CPEB4: variants seen among roughly 807,000 people sequenced by gnomAD.
The protein encoded by CPEB4 is cytoplasmic polyadenylation element-binding protein 4.
Under a neutral mutation model 72.5 loss-of-function variants are expected in CPEB4, and 12 were observed. That is an observed-to-expected ratio of 0.17 (90% confidence interval 0.11 to 0.27). The LOEUF (loss-of-function observed/expected upper bound fraction) is 0.27. Ranked by LOEUF, CPEB4 falls within the 10% of genes least tolerant of loss-of-function variation. The probability of loss-of-function intolerance (pLI) is 1.00; values close to 1 mark genes in which losing one functional copy is unlikely to be tolerated. For missense variants in CPEB4, 614 were observed against 908.5 expected, an observed-to-expected ratio of 0.68 and a Z score of 4.17; for synonymous variants, 302 against 326.3, an observed-to-expected ratio of 0.93 and a Z score of 0.80.
At chr5:173,931,480 T>C (rs1183488685) in intron 2 of CPEB4, among the ~76,000 whole-genome samples, 2 of 152,220 alleles carry the variant, frequency 1.3e-5, no homozygotes, top group Admixed American at 1.3e-4. Flanking sequence ...AGTAGAGAAC[T>C]AACAACCAGG....
At chr5:173,924,411 T>C (rs1757173059) in intron 2 of CPEB4, among the ~76,000 whole-genome samples, 1 of 152,230 alleles carries the variant, frequency 6.6e-6, no homozygotes. Context: ...TAGCAAATTC[T>C]CATTTTTCTG....
intron 9 of CPEB4, among the ~76,000 whole-genome samples, chr5:173,954,498 G>A (rs924380994): frequency 3.9e-5 from 6 of 152,002 alleles, no homozygotes; most frequent in South Asian, 2.1e-4. Context: ...TTAGCCTCCC[G>A]AGTAGGTGGA....
At chr5:173,927,812 A>G (rs2113224905) in intron 2 of CPEB4, among the ~76,000 whole-genome samples, 1 of 152,310 alleles carries the variant, frequency 6.6e-6, no homozygotes, top group African/African-American at 2.4e-5. Flanking sequence ...AATCCTTGAG[A>G]AAACTTATGC....
chr5:173,893,036 T>TGTGTGAGAGA (rs55993382), intron 1 of CPEB4: 28 of 100,978 alleles, frequency 2.8e-4, no homozygotes, highest in African/African-American at 8.8e-4. Flanking sequence ...TGTGTGTGTG[T>TGTGTGAGAGA]GAGAGAGAGA....
At chr5:173,899,885 A>G (rs527300886) in intron 1 of CPEB4, among the ~76,000 whole-genome samples, 1 of 152,184 alleles carries the variant, frequency 6.6e-6, no homozygotes, top group Non-Finnish European at 1.5e-5. Context: ...GGCAAACGTG[A>G]TACTTCTGCT....
intron 3 of CPEB4, among the ~76,000 whole-genome samples, chr5:173,938,328 C>A (rs1026276995): frequency 1.3e-5 from 2 of 152,164 alleles, no homozygotes; most frequent in Non-Finnish European, 2.9e-5. Flanking sequence ...CGGGTTGAAG[C>A]AATTCTCCTG....
At position 173,950,019 on chromosome 5, in the gene CPEB4, A is replaced by G; in HGVS notation, c.1606A>G (p.Ile536Val). 1 of 1,612,600 alleles carries G rather than the reference A, an allele frequency of 6.2e-7. No homozygotes were observed. The highest frequency in any genetic ancestry group is 8.5e-7 in the Non-Finnish European group (1 of 1,179,432). Residue 536 changes from isoleucine to valine, a missense_variant, in exon 7 of 10, where the codon ATT (isoleucine) becomes GTT (valine). Around this residue, in one of 5 missense-constraint regions of CPEB4, gnomAD observed 23 missense variants for 21.8 expected, o/e 1.05. Transcript: ENST00000265085. The surrounding 1 kb of genome is among the most constrained non-coding windows in gnomAD (Gnocchi z 5.0). ...SSVQALIDAC[I>V]EEDGKLYLCV... is the part of the protein sequence containing the mutation. ...TGTGCAGGCTCTCATTGATGCATGCATTGAAGAAGATGGAAAACTCTACCT... is the reference window on the plus strand; with the variant it reads ...TGTGCAGGCTCTCATTGATGCATGCGTTGAAGAAGATGGAAAACTCTACCT...
intron 2 of CPEB4, among the ~76,000 whole-genome samples, chr5:173,914,843 G>T (rs1756807542): frequency 6.6e-6 from 1 of 152,064 alleles, no homozygotes; most frequent in Non-Finnish European, 1.5e-5. Context: ...TAAAAGATTT[G>T]ATTGTTTTAG....
intron 2 of CPEB4, among the ~76,000 whole-genome samples, chr5:173,921,467 A>G (rs930751322): frequency 5.3e-5 from 8 of 152,220 alleles, no homozygotes; most frequent in African/African-American, 1.9e-4. Flanking sequence ...TGAGGAGGCT[A>G]CTGACGCTCT....
rs969892936 is a variant in CPEB4 at position 173,944,949 on chromosome 5, C to T, written c.1283-18C>T. 17 of 1,579,908 alleles carry T rather than the reference C, an allele frequency of 1.1e-5. No homozygotes were observed. In the Admixed American group the frequency reaches 1.1e-4, roughly 10 times the overall value. On this transcript the variant is annotated intron_variant, in intron 4 of 9. Coordinates refer to ENST00000265085, the MANE Select transcript of CPEB4 (RefSeq NM_030627.4). ...GGAACATTTTCTGTTACCGTTTTTT[C>T]CCTGCTTTCTATTCCAGGTCAGTCT...
intron 1 of CPEB4, among the ~76,000 whole-genome samples, chr5:173,910,178 C>G (rs6885516): frequency 1.3e-5 from 2 of 151,454 alleles, no homozygotes; most frequent in Non-Finnish European, 1.5e-5. Flanking sequence ...AGCTTTGCCA[C>G]GTTTTTGCAA....
At chr5:173,920,160 G>A (rs1757020874) in intron 2 of CPEB4, among the ~76,000 whole-genome samples, 1 of 152,288 alleles carries the variant, frequency 6.6e-6, no homozygotes, top group South Asian at 2.1e-4. Context: ...TAAAAGCAAG[G>A]CTTTGTTTTA....
intron 2 of CPEB4, among the ~76,000 whole-genome samples, chr5:173,912,624 TA>T (rs1188427344): frequency 6.7e-6 from 1 of 149,250 alleles, no homozygotes; most frequent in South Asian, 2.1e-4. Context: ...TATAATAAAA[TA>T]ATTTTTTTTT....
rs77498205 is a variant in CPEB4, at chr5:173,944,663, C to A, written c.1283-304C>A. Among the ~76,000 whole-genome samples the A allele has an allele frequency of 8.0e-3, 1,225 of 152,234 alleles. 19 individuals carry two copies. The highest frequency in any genetic ancestry group is 0.028 in the African/African-American group (1,176 of 41,516). On this transcript the variant is annotated intron_variant, in intron 4 of 9. Coordinates refer to ENST00000265085, the MANE Select transcript of CPEB4 (RefSeq NM_030627.4). Reference sequence around the variant, plus strand: ...GGCCCTGCCAAGGGAGTACAGTCTTCTGCCGACTGCTTGTTAAAGTGTGCT... The same window carrying A: ...GGCCCTGCCAAGGGAGTACAGTCTTATGCCGACTGCTTGTTAAAGTGTGCT...
chr5:173,950,134 T>C lies in CPEB4; in HGVS notation c.1665+56T>C, dbSNP rs1758166122. The C allele has an allele frequency of 9.4e-7, 1 of 1,067,804 alleles. No individual in the cohort carries two copies. The allele number at this position is 1,067,804 out of a possible 1,614,324, so 66.1% of individuals were successfully genotyped here. ...TGTTTTTGCCTCCATTCATCTGTTA[T>C]ATTTGAAAAACCCATAGACAACTTG... is the stretch of plus-strand genomic sequence containing the variant. On this transcript the variant is annotated intron_variant, in intron 7 of 9. Coordinates refer to ENST00000265085, the MANE Select transcript of CPEB4 (RefSeq NM_030627.4). The surrounding 1 kb of genome is among the most constrained non-coding windows in gnomAD (Gnocchi z 5.0).
chr5:173,890,836 C>A lies in CPEB4; in HGVS notation c.1103C>A (p.Ala368Asp). ...KSWMEDSLNR[A>D]DNIFPFPDRP... is the part of the protein sequence containing the mutation. Reference sequence around the variant, plus strand: ...TGGATGGAAGATAGCTTGAACAGGGCTGACAACATTTTTCCTTTTCCGGTA... The same window carrying A: ...TGGATGGAAGATAGCTTGAACAGGGATGACAACATTTTTCCTTTTCCGGTA... The change falls in exon 1 of 10, where the codon GCT becomes GAT. Residue 368 changes from alanine (A) to aspartate (D), a missense_variant. Ala to Asp is a moderately radical substitution (Grantham distance 126). Transcript: ENST00000265085. 1.9e-6 allele frequency: 3 copies of A among 1,610,816 alleles called. No homozygotes were observed. The highest frequency in any genetic ancestry group is 2.5e-6 in the Non-Finnish European group (3 of 1,178,452).
chr5:173,942,791 CAAAT>C (rs1455620863), intron 3 of CPEB4, among the ~76,000 whole-genome samples: 3 of 152,094 alleles, frequency 2.0e-5, no homozygotes, highest in Non-Finnish European at 4.4e-5. Context: ...TCCCATAAAA[CAAAT>C]AAGATTCAAT....
rs552992444 is a variant in CPEB4, at chr5:173,893,772, T to C, written c.1125+2914T>C. ...AGGCAATGTTTATTTTAATTTGAAATGAACCAGAATGATTTTTACGTTTGT... is the reference window on the plus strand; with the variant it reads ...AGGCAATGTTTATTTTAATTTGAAACGAACCAGAATGATTTTTACGTTTGT... On this transcript the variant is annotated intron_variant, in intron 1 of 9. Coordinates refer to ENST00000265085, the MANE Select transcript of CPEB4 (RefSeq NM_030627.4). Among the ~76,000 whole-genome samples the C allele has an allele frequency of 1.8e-4, 27 of 152,342 alleles. 1 individual carries two copies. In the East Asian group the frequency reaches 5.2e-3, roughly 29 times the overall value.
intron 2 of CPEB4, among the ~76,000 whole-genome samples, chr5:173,929,006 A>G (rs903081588): frequency 6.6e-6 from 1 of 152,234 alleles, no homozygotes; most frequent in African/African-American, 2.4e-5. Flanking sequence ...AGAGACCACA[A>G]TTGATTCTAA....
Sources: allele counts gnomAD v4.1 joint callset (sites outside exome capture counted in the v4.1 genomes callset), GRCh38; gene constraint gnomAD v4.1.1; regional missense constraint gnomAD v4.1.1; non-coding constraint Gnocchi (gnomAD v3.1); transcripts MANE v1.5; gene names NCBI Gene and HGNC (gene_info 2026-07-23, HGNC 2026-07-21).